COLGALT1: variants seen among roughly 807,000 people sequenced by gnomAD.
COLGALT1 encodes the protein collagen beta(1-O)galactosyltransferase 1.
COLGALT1 carries 43 observed loss-of-function variants against 60.8 expected under a neutral mutation model. The observed-to-expected ratio is 0.71, with a 90% CI of 0.55 to 0.91. The LOEUF is 0.91. Ranked by LOEUF, COLGALT1 falls within the 40% of genes least tolerant of loss-of-function variation. COLGALT1 has a pLI of 0.00. For missense variants in COLGALT1, 845 were observed against 880.0 expected (o/e 0.96, Z 0.50); for synonymous variants, 369 against 374.2 (o/e 0.99, Z 0.16).
chr19:17,559,486 C>T, intron 2 of COLGALT1, 65 bp downstream of exon 2: 1 of 1,249,330 alleles, frequency 8.0e-7, no homozygotes, highest in East Asian at 2.5e-5. Context: ...CCCTCTATGG[C>T]TCCCCATTGC....
chr19:17,559,451 A>T (rs945101200), intron 2 of COLGALT1, 30 bp downstream of exon 2: 1 of 1,517,760 alleles, frequency 6.6e-7, no homozygotes, highest in East Asian at 2.5e-5. Context: ...TCCTAGTCTG[A>T]TTGGGCTTTG....
rs560229625 is a variant in COLGALT1 at position 17,578,268 on chromosome 19, G to A, written c.1266+179G>A. ...CACACCAGCTGTATCACCCCCAGGT[G>A]TACCTGCCATCCTTCCATTGCGCAA... On this transcript the variant is annotated intron_variant, in intron 9 of 11. Transcript: ENST00000252599. Among the ~76,000 whole-genome samples, 3 of 152,266 alleles carry A rather than the reference G, an allele frequency of 2.0e-5. No homozygotes were observed. In the South Asian group the frequency reaches 6.2e-4, roughly 31 times the overall value.
intron 6 of COLGALT1, among the ~76,000 whole-genome samples, chr19:17,576,035 G>T (rs2076338570): frequency 6.6e-6 from 1 of 152,172 alleles, no homozygotes; most frequent in Non-Finnish European, 1.5e-5. Context: ...TATAGATGAG[G>T]AAAGCTGAGG....
chr19:17,567,294 G>A, intron 3 of COLGALT1, 112 bp from the exon 4 acceptor site: 1 of 1,409,550 alleles, frequency 7.1e-7, no homozygotes, highest in Non-Finnish European at 9.7e-7. Context: ...GGTGTAGGGG[G>A]TGCTTCCAGA....
Position 17,555,910 on chromosome 19 carries a change from C to A in COLGALT1, c.197C>A (p.Ala66Glu), listed in dbSNP as rs1231485928. Residue 66 changes from alanine (A) to glutamate (E), a missense_variant, in exon 1 of 12, where the codon GCG becomes GAG. Transcript: ENST00000252599. ...IALLARNAAH[A>E]LPTTLGALER... ...CTGTTGGCGCGAAACGCGGCCCACG[C>A]GTTGCCCACCACGCTGGGCGCACTC... is the stretch of plus-strand genomic sequence containing the variant. 2.1e-6 allele frequency: 3 copies of A among 1,400,326 alleles called. No individual in the cohort carries two copies. Among genetic ancestry groups the A allele is most frequent in the Non-Finnish European group, 2.8e-6 (3 of 1,076,598 alleles). 86.7% of individuals were successfully genotyped at this position (1,400,326 alleles called of 1,614,324 possible).
chr19:17,563,878 T>C (rs1002072338), intron 3 of COLGALT1, among the ~76,000 whole-genome samples: 5 of 150,920 alleles, frequency 3.3e-5, no homozygotes, highest in African/African-American at 9.7e-5. Context: ...AATGATTGTT[T>C]GAAGGTCCCC....
intron 6 of COLGALT1, among the ~76,000 whole-genome samples, chr19:17,575,914 A>G (rs2144840652): frequency 6.6e-6 from 1 of 152,288 alleles, no homozygotes; most frequent in South Asian, 2.1e-4. Context: ...ATAGGATCAT[A>G]TCCTGGGGTA....
chr19:17,563,074 G>C (rs572759143), intron 3 of COLGALT1, among the ~76,000 whole-genome samples: 90 of 151,948 alleles, frequency 5.9e-4, no homozygotes, highest in Non-Finnish European at 1.2e-3. Flanking sequence ...TGCTTTTGTG[G>C]TTTGAGGTTG....
At position 17,566,663 on chromosome 19, in the gene COLGALT1, C is replaced by T. The variant is rs181251901; in HGVS notation, c.490-743C>T. ...TGAAAACATTATCTAGGCATGGTGACGTGTGCCTGTACGCTCAGCTACTTG... is the reference window on the plus strand; with the variant it reads ...TGAAAACATTATCTAGGCATGGTGATGTGTGCCTGTACGCTCAGCTACTTG... On this transcript the variant is annotated intron_variant, in intron 3 of 11. Coordinates refer to ENST00000252599, the MANE Select transcript of COLGALT1 (RefSeq NM_024656.4). 1.0e-3 allele frequency among the ~76,000 whole-genome samples: 157 copies of T among 152,078 alleles called. 1 individual carries two copies. Among genetic ancestry groups the T allele is most frequent in the African/African-American group, 3.7e-3 (154 of 41,506 alleles).
At chr19:17,578,223 C>T (rs1404978237) in intron 9 of COLGALT1, 134 bp downstream of exon 9, 18 of 923,574 alleles carry the variant, frequency 1.9e-5, no homozygotes, top group Non-Finnish European at 1.7e-5. Flanking sequence ...CCCATGGCCT[C>T]TCTTTAGTGA....
At position 17,561,186 on chromosome 19, in the gene COLGALT1, G is replaced by A. The variant is rs1038040030; in HGVS notation, c.489+721G>A. On this transcript the variant is annotated intron_variant, in intron 3 of 11. Coordinates refer to ENST00000252599, the MANE Select transcript of COLGALT1 (RefSeq NM_024656.4). ...TGCCACTGCACTCCAGTCACTGGGC[G>A]ACACAGTGAGACTCCATCTCATAAA... Among the ~76,000 whole-genome samples, 8 of 151,198 alleles carry A rather than the reference G, an allele frequency of 5.3e-5. No individual in the cohort carries two copies. In the East Asian group the frequency reaches 1.2e-3, roughly 23 times the overall value.
At chr19:17,571,530 G>A (rs1360558323) in intron 5 of COLGALT1, among the ~76,000 whole-genome samples, 2 of 151,278 alleles carry the variant, frequency 1.3e-5, no homozygotes, top group Non-Finnish European at 2.9e-5. Context: ...CCTGGCCAAC[G>A]TGGTGAAACC....
intron 3 of COLGALT1, among the ~76,000 whole-genome samples, chr19:17,563,405 A>G (rs1459237826): frequency 1.3e-5 from 2 of 151,124 alleles, no homozygotes; most frequent in Non-Finnish European, 3.0e-5. Flanking sequence ...GCTGGAGTGC[A>G]GTGGTGCGAT....
At position 17,580,899 on chromosome 19, in the gene COLGALT1, A is replaced by G. The variant is rs1444573398; in HGVS notation, c.1595A>G (p.His532Arg). ...DEFLPVMFDK[H>R]PVSEYKAHFS... ...TTCCTGCCCGTCATGTTCGACAAAC[A>G]CCCAGTGTGAGAGGGGCAGGCGGCT... Residue 532 changes from histidine (H) to arginine (R), a missense_variant, in exon 11 of 12, where the codon CAC becomes CGC. Transcript: ENST00000252599. 1.9e-6 allele frequency: 3 copies of G among 1,613,182 alleles called. No individual in the cohort carries two copies. The highest frequency in any genetic ancestry group is 1.6e-4 in the Middle Eastern group (1 of 6,062).
chr19:17,577,883 G>A (rs1449119244), intron 8 of COLGALT1, 74 bp from the exon 9 acceptor site: 1 of 1,545,734 alleles, frequency 6.5e-7, no homozygotes, highest in African/African-American at 1.4e-5. Flanking sequence ...CGCAGGGGGT[G>A]GTGGAATGGC....
At chr19:17,557,112 T>G (rs1371271228) in intron 1 of COLGALT1, among the ~76,000 whole-genome samples, 1 of 152,204 alleles carries the variant, frequency 6.6e-6, no homozygotes, top group African/African-American at 2.4e-5. Flanking sequence ...CTTTTGGCAC[T>G]ACGGTCAAAC....
chr19:17,579,492 G>C lies in COLGALT1; in HGVS notation c.1277G>C (p.Arg426Pro). The C allele has an allele frequency of 1.2e-6, 2 of 1,613,750 alleles. No individual in the cohort carries two copies. The highest frequency in any genetic ancestry group is 8.5e-7 in the Non-Finnish European group (1 of 1,179,778). The change falls in exon 10 of 12, where the codon CGG becomes CCG. Residue 426 changes from arginine to proline, a missense_variant. Transcript: ENST00000252599. ...GGCTTCCTCCCTCAGGTGGTGGACC[G>C]GGGGCTGCAGAAATCGCTTGTGTTT... is the stretch of plus-strand genomic sequence containing the variant. ...HYNIWKEVVD[R>P]GLQKSLVFED...
intron 3 of COLGALT1, among the ~76,000 whole-genome samples, chr19:17,565,781 TGAGG>T (rs1274930396): frequency 6.6e-6 from 1 of 152,232 alleles, no homozygotes; most frequent in Non-Finnish European, 1.5e-5. Context: ...TTTAGCTTTT[TGAGG>T]AACTGCCACA....
At position 17,583,009 on chromosome 19, in the gene COLGALT1, C is replaced by G. The variant is rs2076394340; in HGVS notation, c.*1565C>G. On this transcript the variant is annotated 3_prime_UTR_variant, in exon 12 of 12. Transcript: ENST00000252599. ...GGACCCAGCTGCACTGGGGCACTGCCCGTGGCCTGGGTAGGACATTTCCCA... is the reference window on the plus strand; with the variant it reads ...GGACCCAGCTGCACTGGGGCACTGCGCGTGGCCTGGGTAGGACATTTCCCA... 6.6e-6 allele frequency: 1 copy of G among 152,468 alleles called. No homozygotes were observed. Among genetic ancestry groups the G allele is most frequent in the African/African-American group, 2.4e-5 (1 of 41,590 alleles). The allele number at this position is 152,468 out of a possible 1,614,324, so 9.4% of individuals were successfully genotyped here.
Sources: gnomAD v4.1 joint callset for allele counts (sites outside exome capture counted in the v4.1 genomes callset) on GRCh38, gnomAD v4.1.1 for gene constraint, MANE v1.5 for transcripts, NCBI Gene and HGNC (gene_info 2026-07-23, HGNC 2026-07-21) for gene names.